The following IGF2BP2 variants were observed in gnomAD, a reference collection of about 807,000 sequenced individuals.
IGF2BP2 encodes the protein insulin like growth factor 2 mRNA binding protein 2.
Under a neutral mutation model 75.8 loss-of-function variants are expected in IGF2BP2, and 17 were observed. The observed-to-expected ratio is 0.22, with a 90% CI of 0.15 to 0.34. IGF2BP2 has a LOEUF of 0.34. Ranked by LOEUF, IGF2BP2 falls within the 10% of genes least tolerant of loss-of-function variation. IGF2BP2 has a pLI of 1.00. For synonymous variants in IGF2BP2, 288 were observed against 295.6 expected (o/e 0.97, Z 0.26); for missense variants, 516 against 772.4 (o/e 0.67, Z 3.93).
At chr3:185,752,716 C>A (rs558943656) in intron 2 of IGF2BP2, among the ~76,000 whole-genome samples, 1 of 152,158 alleles carries the variant, frequency 6.6e-6, no homozygotes, top group South Asian at 2.1e-4. Context: ...CAGCCCTCAG[C>A]CTCCTGAGTA....
chr3:185,702,772 ACACCAAGCC>A (rs1723492429), intron 2 of IGF2BP2, among the ~76,000 whole-genome samples: 1 of 151,892 alleles, frequency 6.6e-6, no homozygotes, highest in South Asian at 2.1e-4. Flanking sequence ...ACACTCCTTC[ACACCAAGCC>A]CCTCCACCTG....
intron 5 of IGF2BP2, 105 bp from the exon 6 acceptor site, chr3:185,689,732 G>A: frequency 7.8e-7 from 1 of 1,284,840 alleles, no homozygotes. Context: ...ACTTTGGGAG[G>A]CCGAGGCGGG....
intron 2 of IGF2BP2, among the ~76,000 whole-genome samples, chr3:185,797,294 G>A (rs943498628): frequency 1.3e-5 from 2 of 152,150 alleles, no homozygotes; most frequent in Non-Finnish European, 2.9e-5. Context: ...GGACGCTCAG[G>A]AGTGTCCTAT....
intron 2 of IGF2BP2, among the ~76,000 whole-genome samples, chr3:185,723,834 T>C (rs1408667246): frequency 1.3e-5 from 2 of 151,902 alleles, no homozygotes; most frequent in Non-Finnish European, 2.9e-5. Context: ...AGGGAGGGTG[T>C]AGGAACCAGA....
intron 12 of IGF2BP2, among the ~76,000 whole-genome samples, chr3:185,655,708 T>TG (rs1247683265): frequency 2.0e-5 from 3 of 152,244 alleles, no homozygotes; most frequent in African/African-American, 7.2e-5. Context: ...CCCATGCGAC[T>TG]GATCTCTTCT....
At chr3:185,814,061 T>C (rs573568241) in intron 2 of IGF2BP2, 1 of 152,372 alleles carries the variant, frequency 6.6e-6, no homozygotes, top group South Asian at 2.1e-4. Context: ...CTTACTATCT[T>C]CCACACACTA....
chr3:185,690,776 GTTAT>G (rs1721842742), intron 5 of IGF2BP2, among the ~76,000 whole-genome samples: 1 of 152,144 alleles, frequency 6.6e-6, no homozygotes, highest in Admixed American at 6.5e-5. Context: ...ACAGAGCGCT[GTTAT>G]TTAAAGATAT....
chr3:185,713,074 A>ATGTGTGTG (rs201252245), intron 2 of IGF2BP2, among the ~76,000 whole-genome samples: 5 of 144,484 alleles, frequency 3.5e-5, no homozygotes, highest in South Asian at 2.2e-4. Context: ...ACAGATATGT[A>ATGTGTGTG]TGTGTGTGTG....
At chr3:185,779,670 T>C (rs551159331) in intron 2 of IGF2BP2, among the ~76,000 whole-genome samples, 1 of 152,242 alleles carries the variant, frequency 6.6e-6, no homozygotes, top group African/African-American at 2.4e-5. Flanking sequence ...ATTTACATTT[T>C]AACAAAATCC....
At chr3:185,820,237 C>A (rs540502131) in intron 2 of IGF2BP2, among the ~76,000 whole-genome samples, 5 of 36,664 alleles carry the variant, frequency 1.4e-4, no homozygotes. Flanking sequence ...TATACACATA[C>A]ACACACACAC....
At chr3:185,753,340 C>T (rs189135534) in intron 2 of IGF2BP2, among the ~76,000 whole-genome samples, 1 of 152,294 alleles carries the variant, frequency 6.6e-6, no homozygotes, top group Admixed American at 6.5e-5. Flanking sequence ...GTGTCTTCTG[C>T]TTCTCGTTTC....
intron 2 of IGF2BP2, among the ~76,000 whole-genome samples, chr3:185,754,842 C>T (rs1024869673): frequency 5.3e-5 from 8 of 152,246 alleles, no homozygotes; most frequent in Non-Finnish European, 8.8e-5. Flanking sequence ...AATTTCTAAG[C>T]GGCAAAGCAA....
Position 185,657,410 on chromosome 3 carries a change from G to A in IGF2BP2, c.1270-8C>T. On this transcript the variant is annotated splice_polypyrimidine_tract_variant and splice_region_variant and intron_variant, in intron 11 of 15. Transcript: ENST00000382199. ...AATCTCCTGCTCTGGATACTGGGAG[G>A]GCGAGACAAGAAAGAAGACATCATT... 1 of 1,598,984 alleles carries A rather than the reference G, an allele frequency of 6.3e-7. No homozygotes were observed. Among genetic ancestry groups the A allele is most frequent in the Admixed American group, 1.7e-5 (1 of 59,802 alleles).
At chr3:185,731,470 C>T (rs905282153) in intron 2 of IGF2BP2, among the ~76,000 whole-genome samples, 31 of 151,966 alleles carry the variant, frequency 2.0e-4, no homozygotes, top group Admixed American at 5.9e-4. Context: ...CCAGGCTGGT[C>T]TTGAACTCCT....
Position 185,645,402 on chromosome 3 carries a change from T to C in IGF2BP2, c.*129A>G, listed in dbSNP as rs1003668042. 4 of 682,778 alleles carry C rather than the reference T, an allele frequency of 5.9e-6. No individual in the cohort carries two copies. Among genetic ancestry groups the C allele is most frequent in the Non-Finnish European group, 7.8e-6 (3 of 386,226 alleles). 42.3% of individuals were successfully genotyped at this position (682,778 alleles called of 1,614,324 possible). On this transcript the variant is annotated 3_prime_UTR_variant, in exon 16 of 16. Transcript: ENST00000382199. The surrounding 1 kb of genome is among the most constrained non-coding windows in gnomAD (Gnocchi z 4.9). ...GGCCTCGGCAGAGTCCCTGGCCGCC[T>C]CCGCAGACTTCTCATTCCTCAGATG...
chr3:185,792,461 T>A (rs1736778591), intron 2 of IGF2BP2, among the ~76,000 whole-genome samples: 1 of 151,970 alleles, frequency 6.6e-6, no homozygotes, highest in Non-Finnish European at 1.5e-5. Flanking sequence ...AAAAATTATT[T>A]TTTTTTTTGT....
At chr3:185,700,865 G>A (rs905955787) in intron 2 of IGF2BP2, among the ~76,000 whole-genome samples, 13 of 152,064 alleles carry the variant, frequency 8.5e-5, no homozygotes, top group Non-Finnish European at 1.8e-4. Context: ...ATATTATACA[G>A]CTCTTAAAAA....
chr3:185,712,669 A>G (rs1186708127), intron 2 of IGF2BP2: 3 of 152,138 alleles, frequency 2.0e-5, no homozygotes, highest in Non-Finnish European at 4.4e-5. Flanking sequence ...GAAGGTAAGG[A>G]GCAGAAAGAA....
intron 2 of IGF2BP2, among the ~76,000 whole-genome samples, chr3:185,793,523 C>T (rs568467385): frequency 6.6e-6 from 1 of 152,288 alleles, no homozygotes; most frequent in South Asian, 2.1e-4. Flanking sequence ...CAAAACTCTG[C>T]TAACATGAGC....
Sources: allele counts gnomAD v4.1 joint callset (sites outside exome capture counted in the v4.1 genomes callset), GRCh38; gene constraint gnomAD v4.1.1; non-coding constraint Gnocchi (gnomAD v3.1); transcripts MANE v1.5; gene names NCBI Gene and HGNC (gene_info 2026-07-23, HGNC 2026-07-21).